Variants in TAOK3 observed in about 807,000 individuals in gnomAD.
TAOK3 encodes serine/threonine-protein kinase TAO3.
A neutral mutation model predicts 120.4 loss-of-function variants in TAOK3; 40 were observed. The observed-to-expected ratio is 0.33, with a 90% CI of 0.26 to 0.43. TAOK3 has a LOEUF of 0.43. TAOK3 is among the 20% of genes least tolerant of loss of function. The pLI is 1.00. For missense variants in TAOK3, 821 were observed against 1,112.1 expected (o/e 0.74, Z 3.72); for synonymous variants, 355 against 387.5 (o/e 0.92, Z 0.99).
At chr12:118,173,078 G>A (rs1004798625) in intron 16 of TAOK3, among the ~76,000 whole-genome samples, 1 of 152,202 alleles carries the variant, frequency 6.6e-6, no homozygotes, top group African/African-American at 2.4e-5. Flanking sequence ...GCTTTGAAGA[G>A]GACGTACTTG....
intron 1 of TAOK3, among the ~76,000 whole-genome samples, chr12:118,315,064 G>A (rs2043403446): frequency 6.6e-6 from 1 of 152,008 alleles, no homozygotes; most frequent in Admixed American, 6.6e-5. Flanking sequence ...CCGACTAGCT[G>A]GGATTACAGG....
At chr12:118,336,912 A>C (rs1249031720) in intron 1 of TAOK3, among the ~76,000 whole-genome samples, 1 of 152,164 alleles carries the variant, frequency 6.6e-6, no homozygotes, top group Non-Finnish European at 1.5e-5. Context: ...TCTCTACTAA[A>C]GATATACAAA....
At chr12:118,266,623 C>G (rs1188424232) in intron 2 of TAOK3, 32 bp downstream of exon 2, 2 of 397,668 alleles carry the variant, frequency 5.0e-6, no homozygotes, top group Non-Finnish European at 8.9e-6. Context: ...TTTTCCATTT[C>G]TTAGGAGAAA....
intron 3 of TAOK3, chr12:118,246,268 C>T (rs891831093): frequency 2.0e-6 from 3 of 1,506,636 alleles, no homozygotes; most frequent in Non-Finnish European, 2.7e-6. Flanking sequence ...GAGTGGATGC[C>T]CGTCACCAAG....
chr12:118,244,563 C>CT (rs2040404100), intron 4 of TAOK3, among the ~76,000 whole-genome samples: 1 of 133,808 alleles, frequency 7.5e-6, no homozygotes, highest in African/African-American at 2.8e-5. Context: ...GAGCCTCGCT[C>CT]TGTCACCCAG....
chr12:118,227,190 T>C (rs564777621), intron 9 of TAOK3, among the ~76,000 whole-genome samples: 63 of 151,190 alleles, frequency 4.2e-4, no homozygotes, highest in African/African-American at 1.5e-3. Flanking sequence ...GTTGCTATGA[T>C]GGTCTCAGTG....
Position 118,243,398 on chromosome 12 carries a change from G to A in TAOK3, c.294+17C>T, listed in dbSNP as rs1324929306. ...AAAAATGTAATAGTAAAAGATAATA[G>A]AGGTCCTTCGACTTACCCAAGCAGT... On this transcript the variant is annotated intron_variant, in intron 5 of 20. Transcript: ENST00000392533. 6 of 1,337,612 alleles carry A rather than the reference G, an allele frequency of 4.5e-6. No homozygotes were observed. The highest frequency in any genetic ancestry group is 6.3e-6 in the Non-Finnish European group (6 of 949,578). 82.9% of individuals were successfully genotyped at this position (1,337,612 alleles called of 1,614,324 possible).
intron 13 of TAOK3, among the ~76,000 whole-genome samples, chr12:118,195,177 C>CT (rs768544260): frequency 7.2e-5 from 11 of 151,902 alleles, no homozygotes; most frequent in Non-Finnish European, 1.2e-4. Context: ...TTATGACTGG[C>CT]GTTCAATAAG....
intron 13 of TAOK3, chr12:118,198,458 C>T (rs1222704287): frequency 6.8e-6 from 1 of 146,762 alleles, no homozygotes; most frequent in East Asian, 2.0e-4. Flanking sequence ...GCGATCTCGG[C>T]TCACTACAAC....
At chr12:118,318,186 T>C (rs1471457226) in intron 1 of TAOK3, among the ~76,000 whole-genome samples, 1 of 148,072 alleles carries the variant, frequency 6.8e-6, no homozygotes, top group East Asian at 2.0e-4. Context: ...TTAGATGGAG[T>C]CTTGCTCTGT....
At chr12:118,362,354 C>A (rs958780799) in intron 1 of TAOK3, among the ~76,000 whole-genome samples, 3 of 145,566 alleles carry the variant, frequency 2.1e-5, no homozygotes, top group Non-Finnish European at 4.5e-5. Flanking sequence ...GCATAAATCT[C>A]ACATAAATCT....
chr12:118,341,910 C>G (rs2044635742), intron 1 of TAOK3, among the ~76,000 whole-genome samples: 1 of 152,120 alleles, frequency 6.6e-6, no homozygotes, highest in Non-Finnish European at 1.5e-5. Flanking sequence ...GTAGTTCCAG[C>G]TACTTGGGAG....
intron 1 of TAOK3, among the ~76,000 whole-genome samples, chr12:118,370,479 G>A (rs1716001011): frequency 6.6e-6 from 1 of 152,024 alleles, no homozygotes. Flanking sequence ...AAACAAAGGC[G>A]ATATCTAAAT....
At chr12:118,267,506 C>T (rs935231599) in intron 1 of TAOK3, among the ~76,000 whole-genome samples, 8 of 150,904 alleles carry the variant, frequency 5.3e-5, no homozygotes, top group South Asian at 4.2e-4. Context: ...TGAGCCACCG[C>T]GCCCGGCTGG....
At chr12:118,162,806 T>C (rs2035310241) in intron 17 of TAOK3, among the ~76,000 whole-genome samples, 1 of 152,172 alleles carries the variant, frequency 6.6e-6, no homozygotes, top group Non-Finnish European at 1.5e-5. Context: ...TTCTTTGGTA[T>C]TGAAGGAGGA....
intron 13 of TAOK3, among the ~76,000 whole-genome samples, chr12:118,193,046 G>GTT (rs1319064230): frequency 1.5e-4 from 15 of 99,718 alleles, no homozygotes; most frequent in African/African-American, 5.4e-4. Flanking sequence ...TTACCACGTT[G>GTT]TTGTTTTTTT....
chr12:118,205,874 G>T (rs1042582676), intron 11 of TAOK3, among the ~76,000 whole-genome samples: 38 of 151,426 alleles, frequency 2.5e-4, no homozygotes, highest in African/African-American at 9.2e-4. Flanking sequence ...GCCTCCCAAA[G>T]TGCTGGGATT....
intron 2 of TAOK3, among the ~76,000 whole-genome samples, chr12:118,259,896 G>A (rs2041151050): frequency 6.6e-6 from 1 of 152,140 alleles, no homozygotes; most frequent in Non-Finnish European, 1.5e-5. Context: ...GCACTGATTA[G>A]TGCATGCATA....
At chr12:118,189,752 G>A in intron 14 of TAOK3, 55 bp downstream of exon 14, 1 of 1,606,984 alleles carries the variant, frequency 6.2e-7, no homozygotes, top group Non-Finnish European at 8.5e-7. Context: ...GCGAGAGGCT[G>A]CCAGATGGGG....
Sources: gnomAD v4.1 joint callset for allele counts (sites outside exome capture counted in the v4.1 genomes callset) on GRCh38, gnomAD v4.1.1 for gene constraint, MANE v1.5 for transcripts, NCBI Gene and HGNC (gene_info 2026-07-23, HGNC 2026-07-21) for gene names.